ZNF804B: variants seen among roughly 807,000 people sequenced by gnomAD.
The protein encoded by ZNF804B is zinc finger protein 804B, also known as zinc finger 804B.
In ZNF804B, 80 loss-of-function variants were observed where a neutral mutation model predicts 101.4. That is an observed-to-expected ratio of 0.79 (90% CI 0.66 to 0.95). The LOEUF (loss-of-function observed/expected upper bound fraction) is 0.95. ZNF804B is among the 40% of genes least tolerant of loss of function. The pLI is 0.00. For synonymous variants in ZNF804B, 622 were observed against 558.8 expected (o/e 1.11, Z -1.59); for missense variants, 1,673 against 1,561.9 (o/e 1.07, Z -1.20).
intron 1 of ZNF804B, among the ~76,000 whole-genome samples, chr7:88,791,263 G>T (rs780298208): frequency 6.6e-6 from 1 of 151,966 alleles, no homozygotes; most frequent in Non-Finnish European, 1.5e-5. Flanking sequence ...GTTGCTACCT[G>T]GACAAATATA....
chr7:88,801,303 GA>G lies in ZNF804B; in HGVS notation c.108+41232del, dbSNP rs924638257. Among the ~76,000 whole-genome samples the G allele has an allele frequency of 4.0e-3, 574 of 141,948 alleles. 1 individual carries two copies. The highest frequency in any genetic ancestry group is 8.3e-3 in the African/African-American group (324 of 39,052). The allele number at this position is 141,948 out of a possible 152,430, so 93.1% of individuals were successfully genotyped here. A position where few individuals can be genotyped will look rare whatever the true frequency, so the allele number is the denominator to read the frequency against. ...GAAGGTGAGTGGTGGGAGGAGAGGG[GA>G]AAAAAAAAAAAAGTAACTTGGAAGC... On this transcript the variant is annotated intron_variant, in intron 1 of 3. Coordinates refer to ENST00000333190, the MANE Select transcript of ZNF804B (RefSeq NM_181646.5).
chr7:89,174,925 A>C (rs1352601422), intron 1 of ZNF804B, among the ~76,000 whole-genome samples: 1 of 151,918 alleles, frequency 6.6e-6, no homozygotes, highest in African/African-American at 2.4e-5. Context: ...ATATTTTGCC[A>C]ATTTTTAAAT....
At chr7:88,960,666 A>G (rs944209286) in intron 1 of ZNF804B, among the ~76,000 whole-genome samples, 5 of 151,274 alleles carry the variant, frequency 3.3e-5, no homozygotes, top group African/African-American at 1.2e-4. Context: ...TTAAGTTAAT[A>G]GTTTCTTCTA....
At chr7:88,886,725 T>G (rs974629890) in intron 1 of ZNF804B, among the ~76,000 whole-genome samples, 4 of 151,564 alleles carry the variant, frequency 2.6e-5, no homozygotes, top group Non-Finnish European at 4.4e-5. Context: ...TAAGTAATCT[T>G]AAGAAAACTA....
In ZNF804B at chr7:89,274,137, T is replaced by TTTTTATTTTA. The variant is rs201219183; in HGVS notation, c.250-53197_250-53188dup. On this transcript the variant is annotated intron_variant, in intron 2 of 3. Transcript: ENST00000333190. ...TCCCTGCTTCATTCTTTTTTTTTTC[T>TTTTTATTTTA]TTTTATTTTATTTTATTTTCTTTTT... 3.6e-3 allele frequency among the ~76,000 whole-genome samples: 528 copies of TTTTTATTTTA among 145,574 alleles called. 1 individual carries two copies. Among genetic ancestry groups the TTTTTATTTTA allele is most frequent in the African/African-American group, 0.012 (490 of 39,464 alleles).
chr7:89,241,902 T>C (rs904756246), intron 2 of ZNF804B, among the ~76,000 whole-genome samples: 1 of 151,640 alleles, frequency 6.6e-6, no homozygotes, highest in Admixed American at 6.6e-5. Flanking sequence ...TCTTTTTTTT[T>C]TTTTTCTCTT....
At chr7:89,189,414 G>T (rs1487440225) in intron 1 of ZNF804B, among the ~76,000 whole-genome samples, 1 of 152,122 alleles carries the variant, frequency 6.6e-6, no homozygotes, top group Non-Finnish European at 1.5e-5. Flanking sequence ...CTTGAACCAA[G>T]ATGAGGCAGC....
At chr7:89,047,905 T>C (rs74488791) in intron 1 of ZNF804B, among the ~76,000 whole-genome samples, 69,923 of 147,526 alleles carry the variant, frequency 0.47, 16,743 homozygotes, top group Non-Finnish European at 0.53. Context: ...TTTTTTTTTT[T>C]CCCCCTTTGG....
intron 1 of ZNF804B, among the ~76,000 whole-genome samples, chr7:89,173,745 T>TATCCATCCATCC (rs67518267): frequency 2.0e-5 from 3 of 151,622 alleles, no homozygotes; most frequent in African/African-American, 7.3e-5. Context: ...TCCATCCATT[T>TATCCATCCATCC]ATCCATCCAT....
intron 1 of ZNF804B, among the ~76,000 whole-genome samples, chr7:89,188,078 C>G (rs757350498): frequency 6.6e-6 from 1 of 151,336 alleles, no homozygotes. Flanking sequence ...TTTTTTTTTA[C>G]AAATTGACAA....
chr7:89,271,606 C>G lies in ZNF804B; in HGVS notation c.249+53311C>G, dbSNP rs184509307. ...CATAAAATGAGTTAGGGAGGATTCC[C>G]TCTGTTCCTATTGATTGGAATAGTT... On this transcript the variant is annotated intron_variant, in intron 2 of 3. Coordinates refer to ENST00000333190, the MANE Select transcript of ZNF804B (RefSeq NM_181646.5). 8.0e-4 allele frequency among the ~76,000 whole-genome samples: 122 copies of G among 152,272 alleles called. 1 individual carries two copies. Among genetic ancestry groups the G allele is most frequent in the African/African-American group, 2.4e-3 (99 of 41,550 alleles).
chr7:88,973,246 G>A (rs958565938), intron 1 of ZNF804B, among the ~76,000 whole-genome samples: 1 of 150,148 alleles, frequency 6.7e-6, no homozygotes, highest in Non-Finnish European at 1.5e-5. Context: ...GTGATATAAA[G>A]CTATTGTCTC....
chr7:88,981,110 C>G (rs931440709), intron 1 of ZNF804B, among the ~76,000 whole-genome samples: 1 of 152,048 alleles, frequency 6.6e-6, no homozygotes, highest in Non-Finnish European at 1.5e-5. Flanking sequence ...TGTGCTGTGT[C>G]ACACCTGAAG....
chr7:89,015,842 G>T (rs1031877532), intron 1 of ZNF804B, among the ~76,000 whole-genome samples: 36 of 152,152 alleles, frequency 2.4e-4, no homozygotes, highest in Non-Finnish European at 4.7e-4. Context: ...AGTCCTTTGG[G>T]TATACACCCA....
chr7:89,278,963 T>C (rs1019933633), intron 2 of ZNF804B, among the ~76,000 whole-genome samples: 6 of 152,190 alleles, frequency 3.9e-5, no homozygotes, highest in Admixed American at 1.3e-4. Context: ...TTTCACGATA[T>C]TGATTCTTCC....
intron 1 of ZNF804B, among the ~76,000 whole-genome samples, chr7:88,943,356 AAATGCACCACAAT>A (rs1287580539): frequency 1.3e-5 from 2 of 151,852 alleles, no homozygotes; most frequent in Non-Finnish European, 2.9e-5. Context: ...GTATTGGGGG[AAATGCACCACAAT>A]ATCCTTTCCA....
At chr7:88,856,306 T>C (rs1791558429) in intron 1 of ZNF804B, among the ~76,000 whole-genome samples, 1 of 152,238 alleles carries the variant, frequency 6.6e-6, no homozygotes, top group Non-Finnish European at 1.5e-5. Flanking sequence ...TAGTTCTCCT[T>C]GAAGAGGTCC....
intron 1 of ZNF804B, among the ~76,000 whole-genome samples, chr7:89,035,171 TTA>T (rs1468920346): frequency 6.6e-6 from 1 of 152,110 alleles, no homozygotes; most frequent in Non-Finnish European, 1.5e-5. Flanking sequence ...ACATTTTTTA[TTA>T]GACAATATTT....
At chr7:88,774,563 T>C (rs1790116297) in intron 1 of ZNF804B, among the ~76,000 whole-genome samples, 2 of 152,224 alleles carry the variant, frequency 1.3e-5, no homozygotes, top group Non-Finnish European at 2.9e-5. Flanking sequence ...CATTTCAATT[T>C]AGATGCTGCT....
Sources: allele counts gnomAD v4.1 joint callset (sites outside exome capture counted in the v4.1 genomes callset), GRCh38; gene constraint gnomAD v4.1.1; transcripts MANE v1.5; gene names NCBI Gene and HGNC (gene_info 2026-07-23, HGNC 2026-07-21).